The following CHCHD6 variants were observed in gnomAD, a reference collection of about 807,000 sequenced individuals.
CHCHD6 encodes the protein coiled-coil-helix-coiled-coil-helix domain containing 6, also known as MICOS complex subunit MIC25.
In CHCHD6, 28 loss-of-function variants were observed where a neutral mutation model predicts 32.3. That is an observed-to-expected ratio of 0.87 (90% CI 0.64 to 1.19). The LOEUF (loss-of-function observed/expected upper bound fraction) is 1.19. Among genes scored for constraint, CHCHD6 ranks in the 50% most tolerant of loss-of-function variants. CHCHD6 has a pLI of 0.00. For missense variants in CHCHD6, 333 were observed against 307.0 expected, an observed-to-expected ratio of 1.08 and a Z score of -0.63; for synonymous variants, 122 against 117.5, an observed-to-expected ratio of 1.04 and a Z score of -0.25.
At chr3:126,953,595 C>T (rs1275175817) in intron 6 of CHCHD6, among the ~76,000 whole-genome samples, 1 of 152,226 alleles carries the variant, frequency 6.6e-6, no homozygotes, top group Non-Finnish European at 1.5e-5. Flanking sequence ...CAATTCTGTT[C>T]TTCTATGGGG....
chr3:126,715,523 C>T (rs1387338908), intron 1 of CHCHD6, among the ~76,000 whole-genome samples: 1 of 152,128 alleles, frequency 6.6e-6, no homozygotes, highest in Non-Finnish European at 1.5e-5. Flanking sequence ...CCTGGCCTGC[C>T]CCTAGGCTCT....
At chr3:126,833,301 T>G (rs1940715592) in intron 4 of CHCHD6, among the ~76,000 whole-genome samples, 1 of 152,200 alleles carries the variant, frequency 6.6e-6, no homozygotes, top group Non-Finnish European at 1.5e-5. Context: ...TCCAACCCCT[T>G]CAGGACACCT....
At chr3:126,958,669 C>T (rs1028484623) in intron 7 of CHCHD6, among the ~76,000 whole-genome samples, 2 of 152,214 alleles carry the variant, frequency 1.3e-5, no homozygotes, top group Non-Finnish European at 2.9e-5. Flanking sequence ...GAACACAGCC[C>T]AGAAGTAGCT....
Position 126,815,901 on chromosome 3 carries a change from C to T in CHCHD6, c.412-36746C>T, listed in dbSNP as rs574056457. ...CCTCTGCTGGAGGCACAGAGCCTTC[C>T]TCCCCATTTGCAGAACACTCACAGC... On this transcript the variant is annotated intron_variant, in intron 4 of 7. Transcript: ENST00000290913. Among the ~76,000 whole-genome samples the T allele has an allele frequency of 2.6e-5, 4 of 152,292 alleles. No homozygotes were observed. The South Asian group carries it at 8.3e-4, about 32-fold the overall frequency.
intron 4 of CHCHD6, among the ~76,000 whole-genome samples, chr3:126,739,189 C>A (rs1411212173): frequency 6.6e-6 from 1 of 152,244 alleles, no homozygotes; most frequent in Non-Finnish European, 1.5e-5. Flanking sequence ...TCCATAGCCC[C>A]TTTCTTTACT....
chr3:126,773,471 T>A (rs985745195), intron 4 of CHCHD6, among the ~76,000 whole-genome samples: 6 of 152,352 alleles, frequency 3.9e-5, no homozygotes, highest in African/African-American at 1.2e-4. Context: ...CAAAGGCAAG[T>A]AAAAACACCA....
chr3:126,782,691 C>T (rs180855438), intron 4 of CHCHD6, among the ~76,000 whole-genome samples: 8 of 152,288 alleles, frequency 5.3e-5, no homozygotes, highest in Admixed American at 3.9e-4. Context: ...TCAGCTCCAG[C>T]GTTTCCAGTC....
intron 4 of CHCHD6, among the ~76,000 whole-genome samples, chr3:126,758,573 CTT>C (rs1937052212): frequency 6.6e-6 from 1 of 152,164 alleles, no homozygotes; most frequent in Non-Finnish European, 1.5e-5. Flanking sequence ...AAGCGGCTGA[CTT>C]TTGTTCTTTT....
chr3:126,838,648 C>G (rs566355202), intron 4 of CHCHD6, among the ~76,000 whole-genome samples: 1 of 152,340 alleles, frequency 6.6e-6, no homozygotes, highest in East Asian at 1.9e-4. Context: ...ATAGTTTCTT[C>G]TTCAGACTCA....
At chr3:126,730,724 G>A in intron 3 of CHCHD6, 94 bp downstream of exon 3, 2 of 1,019,862 alleles carry the variant, frequency 2.0e-6, no homozygotes, top group South Asian at 2.8e-5. Context: ...AAGCCCTGGA[G>A]GCTTTGTCTC....
chr3:126,927,482 C>T (rs2078342041), intron 6 of CHCHD6, among the ~76,000 whole-genome samples: 1 of 152,220 alleles, frequency 6.6e-6, no homozygotes, highest in South Asian at 2.1e-4. Flanking sequence ...AGGGGAAGGG[C>T]AGCCCCACTG....
chr3:126,723,230 C>CTAT (rs140780577), intron 1 of CHCHD6, among the ~76,000 whole-genome samples: 228 of 151,814 alleles, frequency 1.5e-3, no homozygotes, highest in East Asian at 0.011. Flanking sequence ...TACAGGGACT[C>CTAT]TATTATTATT....
intron 4 of CHCHD6, among the ~76,000 whole-genome samples, chr3:126,748,542 C>A (rs1051506899): frequency 4.0e-5 from 6 of 151,308 alleles, no homozygotes; most frequent in Non-Finnish European, 5.9e-5. Context: ...TGGCGGTGAG[C>A]CGAGATTGTG....
chr3:126,929,352 C>T (rs1349661083), intron 6 of CHCHD6, among the ~76,000 whole-genome samples: 3 of 152,192 alleles, frequency 2.0e-5, no homozygotes, highest in Admixed American at 2.0e-4. Context: ...CAGCACTGAA[C>T]TCACCATGTT....
intron 4 of CHCHD6, among the ~76,000 whole-genome samples, chr3:126,736,927 G>A (rs1458614480): frequency 1.3e-5 from 2 of 152,202 alleles, no homozygotes; most frequent in Non-Finnish European, 2.9e-5. Flanking sequence ...AGTCCTGGGT[G>A]AGGCTTTATT....
chr3:126,831,737 G>A (rs1202679833), intron 4 of CHCHD6, among the ~76,000 whole-genome samples: 1 of 152,210 alleles, frequency 6.6e-6, no homozygotes, highest in Non-Finnish European at 1.5e-5. Flanking sequence ...CCGTGCGAAA[G>A]GGGAGACTCT....
At chr3:126,810,477 G>GA (rs1939609828) in intron 4 of CHCHD6, among the ~76,000 whole-genome samples, 1 of 152,138 alleles carries the variant, frequency 6.6e-6, no homozygotes, top group Non-Finnish European at 1.5e-5. Flanking sequence ...AGTTTGTGGT[G>GA]ATAGACTATT....
In CHCHD6 at chr3:126,751,810, C is replaced by T. The variant is rs117727441; in HGVS notation, c.411+18588C>T. ...GTTGTCCCTGCTGGTGATCCTGCCT[C>T]CTCCCTGGATAGTCATAAGACTTCT... On this transcript the variant is annotated intron_variant, in intron 4 of 7. Transcript: ENST00000290913. Among the ~76,000 whole-genome samples, 155 of 152,256 alleles carry T rather than the reference C, an allele frequency of 1.0e-3. 3 individuals carry two copies. In the East Asian group the frequency reaches 0.023, roughly 22 times the overall value.
intron 3 of CHCHD6, among the ~76,000 whole-genome samples, chr3:126,731,098 TAAAAA>T (rs34596059): frequency 1.4e-5 from 1 of 73,982 alleles, no homozygotes; most frequent in African/African-American, 5.1e-5. Flanking sequence ...ACCCTGTCTC[TAAAAA>T]AAAAAAAAAA....
Sources: gnomAD v4.1 joint callset for allele counts (sites outside exome capture counted in the v4.1 genomes callset) on GRCh38, gnomAD v4.1.1 for gene constraint, MANE v1.5 for transcripts, NCBI Gene and HGNC (gene_info 2026-07-23, HGNC 2026-07-21) for gene names.